The following PAPOLG variants were observed in gnomAD, a reference collection of about 807,000 sequenced individuals.
PAPOLG encodes the protein poly(A) polymerase gamma.
In PAPOLG, 40 loss-of-function variants were observed where a neutral mutation model predicts 99.0. The observed-to-expected ratio is 0.40, with a 90% CI of 0.31 to 0.53. The LOEUF is 0.53. Ranked by LOEUF, PAPOLG falls within the 20% of genes least tolerant of loss-of-function variation. PAPOLG has a pLI of 0.41. For missense variants in PAPOLG, 675 were observed against 884.1 expected, an observed-to-expected ratio of 0.76 and a Z score of 3.00; for synonymous variants, 310 against 299.3, an observed-to-expected ratio of 1.04 and a Z score of -0.37.
At chr2:60,758,422 ATT>A (rs11340370) in intron 1 of PAPOLG, among the ~76,000 whole-genome samples, 184 of 70,068 alleles carry the variant, frequency 2.6e-3, no homozygotes, top group African/African-American at 8.1e-3. Context: ...GCCTAATGAG[ATT>A]TTTTTTTTTT....
intron 11 of PAPOLG, among the ~76,000 whole-genome samples, chr2:60,782,293 G>A (rs150329740): frequency 2.3e-4 from 35 of 152,128 alleles, no homozygotes; most frequent in African/African-American, 8.0e-4. Flanking sequence ...TGGGCCGGGC[G>A]CGATGGCTCA....
In PAPOLG at chr2:60,780,277, C is replaced by CT. The variant is rs530213712; in HGVS notation, c.834-413dup. Among the ~76,000 whole-genome samples the CT allele has an allele frequency of 5.0e-3, 677 of 136,018 alleles. 18 individuals carry two copies. The South Asian group carries it at 0.055, about 11-fold the overall frequency. The allele number at this position is 136,018 out of a possible 152,430, so 89.2% of individuals were successfully genotyped here. A position where few individuals can be genotyped will look rare whatever the true frequency, so the allele number is the denominator to read the frequency against. ...TCCTTTGTATACTTTCTTACCTAGC[C>CT]TTTTTTTTTTTTTTTTTAATTGAGA... On this transcript the variant is annotated intron_variant, in intron 9 of 21. Coordinates refer to ENST00000238714, the MANE Select transcript of PAPOLG (RefSeq NM_022894.4).
At chr2:60,788,545 C>T (rs1671435794) in intron 15 of PAPOLG, among the ~76,000 whole-genome samples, 1 of 152,106 alleles carries the variant, frequency 6.6e-6, no homozygotes, top group Non-Finnish European at 1.5e-5. Context: ...TGGTCTTGAA[C>T]ACCTGACCTC....
At chr2:60,793,917 GA>G (rs1056684247) in intron 18 of PAPOLG, 53 bp from the exon 19 acceptor site, 155 of 1,540,268 alleles carry the variant, frequency 1.0e-4, no homozygotes, top group Non-Finnish European at 1.1e-4. Flanking sequence ...CTGTCTCAAG[GA>G]AAAAAAAATT....
intron 10 of PAPOLG, 32 bp downstream of exon 10, chr2:60,780,811 C>A: frequency 6.6e-7 from 1 of 1,521,048 alleles, no homozygotes; most frequent in Non-Finnish European, 9.1e-7. Flanking sequence ...TTCTTTAAAG[C>A]TTTTAAGGAA....
Position 60,770,447 on chromosome 2 carries a change from C to CT in PAPOLG, c.439-5dup, listed in dbSNP as rs1241694841. The CT allele has an allele frequency of 1.3e-6, 2 of 1,588,076 alleles. No individual in the cohort carries two copies. The highest frequency in any genetic ancestry group is 1.2e-5 in the South Asian group (1 of 85,720). On this transcript the variant is annotated splice_polypyrimidine_tract_variant and intron_variant, in intron 5 of 21. Coordinates refer to ENST00000238714, the MANE Select transcript of PAPOLG (RefSeq NM_022894.4). The stretch of plus-strand genomic sequence containing the variant: ...ACACCTATGTGTTATAATTGTTTTC[C>CT]TTTTTTGTAGGCTGTAGAAGATGCC...
intron 15 of PAPOLG, among the ~76,000 whole-genome samples, chr2:60,788,447 G>A (rs1365262942): frequency 4.6e-5 from 7 of 152,002 alleles, no homozygotes; most frequent in African/African-American, 7.2e-5. Flanking sequence ...CCAGCCTCCC[G>A]AGTAGCTGGA....
At chr2:60,788,248 G>A (rs551028145) in intron 15 of PAPOLG, among the ~76,000 whole-genome samples, 30 of 152,116 alleles carry the variant, frequency 2.0e-4, no homozygotes, top group Middle Eastern at 3.4e-3. Flanking sequence ...TCTAGGTCAG[G>A]GTACAGGATA....
At chr2:60,760,460 A>C (rs1026976743) in intron 2 of PAPOLG, among the ~76,000 whole-genome samples, 165 bp downstream of exon 2, 1 of 152,214 alleles carries the variant, frequency 6.6e-6, no homozygotes, top group Non-Finnish European at 1.5e-5. Context: ...TTAGAAGAAG[A>C]GATTTGTCAT....
Position 60,775,044 on chromosome 2 carries a change from T to TAA in PAPOLG, c.616_617insAA (p.Thr206LysfsTer8). ...CTTTGTCTTTTTCAGGTTGTAGAGTTACTGATGAAATTTTGCATTTAGTGC... is the reference window on the plus strand; with the variant it reads ...CTTTGTCTTTTTCAGGTTGTAGAGTTAAACTGATGAAATTTTGCATTTAGTGC... On this transcript the variant is annotated frameshift_variant, in exon 8 of 22. Coordinates refer to ENST00000238714, the MANE Select transcript of PAPOLG (RefSeq NM_022894.4). LOFTEE classifies it high-confidence loss of function. 6.2e-7 allele frequency: 1 copy of TAA among 1,613,300 alleles called. No homozygotes were observed. Among genetic ancestry groups the TAA allele is most frequent in the Non-Finnish European group, 8.5e-7 (1 of 1,179,782 alleles).
In PAPOLG at chr2:60,768,639, A is replaced by G. The variant is rs1670757320; in HGVS notation, c.328+88A>G. 5 of 1,353,628 alleles carry G rather than the reference A, an allele frequency of 3.7e-6. No homozygotes were observed. The East Asian group carries it at 9.2e-5, about 25-fold the overall frequency. 83.9% of individuals were successfully genotyped at this position (1,353,628 alleles called of 1,614,324 possible). On this transcript the variant is annotated intron_variant, in intron 4 of 21. Coordinates refer to ENST00000238714, the MANE Select transcript of PAPOLG (RefSeq NM_022894.4). Reference sequence around the variant, plus strand: ...AATGTAGGAGAACAAAGTTCCCACTATTTCACTACTTAGAGCTAATCATTG... The same window carrying G: ...AATGTAGGAGAACAAAGTTCCCACTGTTTCACTACTTAGAGCTAATCATTG...
At chr2:60,756,570 C>G in intron 1 of PAPOLG, 75 bp downstream of exon 1, 1 of 1,474,340 alleles carries the variant, frequency 6.8e-7, no homozygotes, top group Non-Finnish European at 9.2e-7. Flanking sequence ...GTCCTTGTTT[C>G]CGTTCCCTGT....
In PAPOLG at chr2:60,799,304, T is replaced by C. The variant is rs1364042470; in HGVS notation, c.*2144T>C. 2 of 152,382 alleles carry C rather than the reference T, an allele frequency of 1.3e-5. No individual in the cohort carries two copies. Among genetic ancestry groups the C allele is most frequent in the Non-Finnish European group, 2.9e-5 (2 of 68,046 alleles). 9.4% of individuals were successfully genotyped at this position (152,382 alleles called of 1,614,324 possible). A position where few individuals can be genotyped will look rare whatever the true frequency, so the allele number is the denominator to read the frequency against. On this transcript the variant is annotated 3_prime_UTR_variant, in exon 22 of 22. Coordinates refer to ENST00000238714, the MANE Select transcript of PAPOLG (RefSeq NM_022894.4). Reference sequence around the variant, plus strand: ...AATAAGGAAGCAACAAGTCTAACCTTGTACTATAGGATAGGCATTTATTTT... The same window carrying C: ...AATAAGGAAGCAACAAGTCTAACCTCGTACTATAGGATAGGCATTTATTTT...
intron 1 of PAPOLG, 46 bp downstream of exon 1, chr2:60,756,541 G>A (rs767650136): frequency 6.4e-7 from 1 of 1,562,894 alleles, no homozygotes; most frequent in Non-Finnish European, 8.7e-7. Context: ...GTAGGGGTGA[G>A]CTGAGGTGGT....
At chr2:60,786,267 G>C (rs967888109) in intron 13 of PAPOLG, among the ~76,000 whole-genome samples, 2 of 152,082 alleles carry the variant, frequency 1.3e-5, no homozygotes, top group African/African-American at 2.4e-5. Flanking sequence ...ACCTCACTCT[G>C]TCACCCAGGC....
intron 19 of PAPOLG, 170 bp from the exon 20 acceptor site, chr2:60,794,540 T>C: frequency 1.6e-6 from 1 of 636,590 alleles, no homozygotes. Flanking sequence ...ACTGTAGAAA[T>C]TAACGGTGGC....
intron 15 of PAPOLG, among the ~76,000 whole-genome samples, chr2:60,790,774 C>T (rs931138373): frequency 1.3e-5 from 2 of 152,118 alleles, no homozygotes; most frequent in African/African-American, 4.8e-5. Flanking sequence ...TTGAATTGCA[C>T]CTTGGATATT....
chr2:60,758,326 G>C (rs1465725221), intron 1 of PAPOLG, among the ~76,000 whole-genome samples: 2 of 112,258 alleles, frequency 1.8e-5, no homozygotes, highest in Non-Finnish European at 3.6e-5. Context: ...TTGGTTTCTG[G>C]GGTTTTTTTT....
intron 10 of PAPOLG, 61 bp from the exon 11 acceptor site, chr2:60,781,824 A>G: frequency 6.2e-7 from 1 of 1,602,546 alleles, no homozygotes; most frequent in South Asian, 1.1e-5. Context: ...CTTTTGGGGA[A>G]ATGAAGTGAG....
Sources: allele counts gnomAD v4.1 joint callset (sites outside exome capture counted in the v4.1 genomes callset), GRCh38; gene constraint gnomAD v4.1.1; transcripts MANE v1.5; gene names NCBI Gene and HGNC (gene_info 2026-07-23, HGNC 2026-07-21).